Variants in GPR89B observed in about 807,000 individuals in gnomAD.
GPR89B encodes the protein golgi pH regulator B.
A neutral mutation model predicts 52.4 loss-of-function variants in GPR89B; 25 were observed. The ratio of observed to expected loss-of-function variants is 0.48; its 90% CI spans 0.35 to 0.67. The LOEUF (loss-of-function observed/expected upper bound fraction) is 0.67. GPR89B is among the 30% of genes least tolerant of loss of function. GPR89B has a pLI of 0.01. For missense variants in GPR89B, 146 were observed against 450.2 expected, an observed-to-expected ratio of 0.32 and a Z score of 6.11; for synonymous variants, 52 against 151.2, an observed-to-expected ratio of 0.34 and a Z score of 4.81.
chr1:147,996,425 A>G, downstream of GPR89B: 1 of 785,560 alleles, frequency 1.3e-6, no homozygotes, highest in Non-Finnish European at 2.1e-6. Context: ...GTGTGCCTTC[A>G]ATGGAACCTC....
At chr1:147,935,184 T>G (rs1553247664) in intron 1 of GPR89B, among the ~76,000 whole-genome samples, 1 of 152,104 alleles carries the variant, frequency 6.6e-6, no homozygotes, top group East Asian at 1.9e-4. Flanking sequence ...GTAAATGGCA[T>G]AACTGGGAGA....
At chr1:147,980,842 A>AG (rs1658192778) in intron 10 of GPR89B, among the ~76,000 whole-genome samples, 1 of 149,346 alleles carries the variant, frequency 6.7e-6, no homozygotes, top group African/African-American at 2.5e-5. Flanking sequence ...AAAAAAAAAA[A>AG]AAAAGAAATT....
rs1265452696 is a variant in GPR89B at position 147,928,465 on chromosome 1, G to T, written c.-72G>T. The T allele has an allele frequency of 6.3e-7, 1 of 1,582,836 alleles. No homozygotes were observed. Among genetic ancestry groups the T allele is most frequent in the South Asian group, 1.1e-5 (1 of 90,342 alleles). ...TGGGAGAAGGCAGACCGTGTGAGGGGGCCTGTGGCCCCAGCGTGCTGTGGC... is the reference window on the plus strand; with the variant it reads ...TGGGAGAAGGCAGACCGTGTGAGGGTGCCTGTGGCCCCAGCGTGCTGTGGC... On this transcript the variant is annotated 5_prime_UTR_variant, in exon 1 of 14. Transcript: ENST00000314163.
intron 10 of GPR89B, among the ~76,000 whole-genome samples, chr1:147,971,314 T>G (rs1657448657): frequency 2.0e-5 from 3 of 151,576 alleles, no homozygotes; most frequent in Admixed American, 2.0e-4. Flanking sequence ...CACGCCCAGC[T>G]AACTTTTTTG....
the GPR89B span, among the ~76,000 whole-genome samples, chr1:148,015,299 CTCT>C: frequency 7.2e-5 from 8 of 110,932 alleles, no homozygotes; most frequent in South Asian, 3.3e-4. Context: ...TAGGATCTCT[CTCT>C]CTCTCTCTCT....
rs1657168864 is a variant in GPR89B at position 147,968,196 on chromosome 1, A to G, written c.728-679A>G. On this transcript the variant is annotated intron_variant, in intron 8 of 13. Transcript: ENST00000314163. ...CCCCTGTTCTCTAAATGGGAGAATA[A>G]TAACTCTACCTGATTGAGTTCTTGG... The G allele has an allele frequency of 6.7e-6, 3 of 447,934 alleles. No homozygotes were observed. The Admixed American group carries it at 7.2e-5, about 11-fold the overall frequency. 27.7% of individuals were successfully genotyped at this position (447,934 alleles called of 1,614,324 possible).
At chr1:147,980,818 CAAAAAAAAAAAA>C (rs1176400328) in intron 10 of GPR89B, among the ~76,000 whole-genome samples, 4 of 22,566 alleles carry the variant, frequency 1.8e-4, no homozygotes, top group Non-Finnish European at 3.2e-4. Flanking sequence ...GACTCCGTCT[CAAAAAAAAAAAA>C]AAAAAAAAAA....
Position 147,986,304 on chromosome 1 carries a change from A to G in GPR89B, c.1005+10A>G. On this transcript the variant is annotated intron_variant, in intron 11 of 13. Transcript: ENST00000314163. The stretch of plus-strand genomic sequence containing the variant: ...GGGAATCCAATTTGATGTAAGTGTT[A>G]TATCAAGATCCTGGTTTGTCATGTT... 1.2e-6 allele frequency: 2 copies of G among 1,610,942 alleles called. No homozygotes were observed. The highest frequency in any genetic ancestry group is 1.7e-6 in the Non-Finnish European group (2 of 1,179,152).
chr1:147,946,949 G>A (rs1162371547), intron 5 of GPR89B, among the ~76,000 whole-genome samples: 75 of 152,268 alleles, frequency 4.9e-4, no homozygotes, highest in Non-Finnish European at 8.7e-4. Context: ...AGTTTAGGTA[G>A]TAGCTGAGAA....
the GPR89B span, among the ~76,000 whole-genome samples, chr1:148,008,826 T>C: frequency 6.6e-6 from 1 of 151,988 alleles, no homozygotes; most frequent in Admixed American, 6.6e-5. Context: ...AGGGTGGAAA[T>C]TTTTGCGGTA....
intron 5 of GPR89B, among the ~76,000 whole-genome samples, chr1:147,949,551 G>C (rs1457452925): frequency 1.7e-4 from 20 of 119,584 alleles, no homozygotes; most frequent in Admixed American, 1.2e-3. Flanking sequence ...CCTCCCGGAC[G>C]GGGCGGCTGG....
At chr1:148,009,517 C>T in the GPR89B span, 76 of 1,585,740 alleles carry the variant, frequency 4.8e-5, no homozygotes, top group Non-Finnish European at 5.9e-5. Flanking sequence ...CGTGTTTTCA[C>T]TGCTTTCTCA....
intron 10 of GPR89B, among the ~76,000 whole-genome samples, chr1:147,983,002 G>A (rs1418162609): frequency 6.6e-6 from 1 of 152,028 alleles, no homozygotes; most frequent in Non-Finnish European, 1.5e-5. Flanking sequence ...GCACCGAACA[G>A]AGCCCTCAGA....
At chr1:147,964,001 G>T (rs1320672392) in intron 7 of GPR89B, among the ~76,000 whole-genome samples, 20 of 152,024 alleles carry the variant, frequency 1.3e-4, no homozygotes, top group Non-Finnish European at 2.5e-4. Flanking sequence ...ATGGAGAACA[G>T]ATTCGTGGTT....
At chr1:147,977,819 G>C (rs1657952532) in intron 10 of GPR89B, among the ~76,000 whole-genome samples, 2 of 148,704 alleles carry the variant, frequency 1.3e-5, no homozygotes, top group African/African-American at 5.0e-5. Context: ...TTCACATTGT[G>C]TTTTTCAGCT....
At chr1:147,991,164 A>G (rs1450499661) in intron 12 of GPR89B, among the ~76,000 whole-genome samples, 1 of 150,956 alleles carries the variant, frequency 6.6e-6, no homozygotes, top group Non-Finnish European at 1.5e-5. Flanking sequence ...GGTCCTTCAC[A>G]TCCCTTGTAA....
intron 10 of GPR89B, among the ~76,000 whole-genome samples, chr1:147,982,403 C>T (rs1471260224): frequency 6.7e-6 from 1 of 149,004 alleles, no homozygotes. Flanking sequence ...TCCAAAACAG[C>T]AGCAACAGTT....
At chr1:147,971,432 T>TGAGCCATC (rs1271656081) in intron 10 of GPR89B, among the ~76,000 whole-genome samples, 4 of 148,790 alleles carry the variant, frequency 2.7e-5, no homozygotes, top group African/African-American at 1.0e-4. Context: ...ACTACAGGCG[T>TGAGCCATC]GAGCCATCAC....
chr1:148,017,746 T>TAAATTAAATA, the GPR89B span, among the ~76,000 whole-genome samples: 1 of 143,354 alleles, frequency 7.0e-6, no homozygotes, highest in East Asian at 2.0e-4. Flanking sequence ...TCAAAATAAA[T>TAAATTAAATA]AAATAAAATA....
Sources: allele counts gnomAD v4.1 joint callset (sites outside exome capture counted in the v4.1 genomes callset), GRCh38; gene constraint gnomAD v4.1.1; transcripts MANE v1.5; gene names NCBI Gene and HGNC (gene_info 2026-07-23, HGNC 2026-07-21).